PCED1B: variants seen among roughly 807,000 people sequenced by gnomAD.
PCED1B encodes the protein PC-esterase domain containing 1B, also known as PC-esterase domain-containing protein 1B.
For missense variants in PCED1B, 573 were observed against 573.9 expected (o/e 1.00, Z 0.02); for synonymous variants, 251 against 246.1 (o/e 1.02, Z -0.19).
chr12:47,117,959 C>A (rs1432935710), intron 2 of PCED1B, among the ~76,000 whole-genome samples: 2 of 152,160 alleles, frequency 1.3e-5, no homozygotes, highest in African/African-American at 4.8e-5. Context: ...TGATGATGAG[C>A]ATTTTTTTCA....
chr12:47,227,502 T>G (rs1167375433), intron 3 of PCED1B, among the ~76,000 whole-genome samples: 1 of 151,982 alleles, frequency 6.6e-6, no homozygotes, highest in African/African-American at 2.4e-5. Context: ...GAATGCTTCT[T>G]CCCAGTCATT....
chr12:47,210,272 A>G (rs977917199), intron 2 of PCED1B: 1 of 152,248 alleles, frequency 6.6e-6, no homozygotes, highest in African/African-American at 2.4e-5. Context: ...GCATAGGTAG[A>G]AAATAACCAC....
rs139232775 is a variant in PCED1B at position 47,133,059 on chromosome 12, A to G, written c.-526+28864A>G. On this transcript the variant is annotated intron_variant, in intron 2 of 3. Coordinates refer to ENST00000546455, the MANE Select transcript of PCED1B (RefSeq NM_138371.3). ...ATAAGATAATTTTCCCCTGTTTCTT[A>G]CAAAGGGGACTGTATTTTCTTTACA... 6.9e-3 allele frequency among the ~76,000 whole-genome samples: 1,047 copies of G among 152,336 alleles called. 8 individuals are homozygous for G. The highest frequency in any genetic ancestry group is 0.024 in the African/African-American group (999 of 41,570).
intron 2 of PCED1B, chr12:47,205,788 T>C (rs1331921872): frequency 6.6e-6 from 1 of 151,632 alleles, no homozygotes; most frequent in African/African-American, 2.4e-5. Context: ...AAAGGGGCAA[T>C]AACCATGTAA....
At chr12:47,113,936 G>A (rs1939307545) in intron 2 of PCED1B, among the ~76,000 whole-genome samples, 1 of 141,730 alleles carries the variant, frequency 7.1e-6, no homozygotes, top group Admixed American at 7.2e-5. Context: ...GAGTGACAGA[G>A]CATGACTCCA....
chr12:47,095,129 T>C (rs1393359384), intron 1 of PCED1B, among the ~76,000 whole-genome samples: 2 of 151,158 alleles, frequency 1.3e-5, no homozygotes, highest in Non-Finnish European at 2.9e-5. Context: ...TAGGCTGAGA[T>C]TATTTTCCTT....
chr12:47,138,066 A>C (rs1403357460), intron 2 of PCED1B: 2 of 152,212 alleles, frequency 1.3e-5, no homozygotes, highest in Non-Finnish European at 2.9e-5. Flanking sequence ...ACTGTTTCTT[A>C]AAAAAATTTT....
chr12:47,152,699 G>A (rs896558308), intron 2 of PCED1B, among the ~76,000 whole-genome samples: 1 of 152,178 alleles, frequency 6.6e-6, no homozygotes, highest in African/African-American at 2.4e-5. Context: ...GGGAGTCCGA[G>A]GCAGGTGGAT....
chr12:47,213,222 G>A (rs1053088193), intron 2 of PCED1B, among the ~76,000 whole-genome samples: 2 of 152,120 alleles, frequency 1.3e-5, no homozygotes, highest in Admixed American at 1.3e-4. Context: ...GAATCTCAAA[G>A]TTCCTAATAT....
intron 2 of PCED1B, among the ~76,000 whole-genome samples, chr12:47,113,133 G>A (rs1178234151): frequency 1.3e-5 from 2 of 152,118 alleles, no homozygotes; most frequent in Admixed American, 6.5e-5. Context: ...TTGGTCTCTG[G>A]GATATACTAA....
At chr12:47,102,988 C>T (rs1266185371) in intron 1 of PCED1B, among the ~76,000 whole-genome samples, 2 of 152,074 alleles carry the variant, frequency 1.3e-5, no homozygotes, top group Non-Finnish European at 2.9e-5. Flanking sequence ...TAAAGGCCTT[C>T]CATTCCTGTC....
chr12:47,176,466 G>C (rs1044530544), intron 2 of PCED1B, among the ~76,000 whole-genome samples: 1 of 152,202 alleles, frequency 6.6e-6, no homozygotes, highest in African/African-American at 2.4e-5. Flanking sequence ...ATCCTCTGGG[G>C]TTCAGAGACC....
At chr12:47,091,001 C>T (rs1282064739) in intron 1 of PCED1B, among the ~76,000 whole-genome samples, 1 of 151,864 alleles carries the variant, frequency 6.6e-6, no homozygotes, top group Non-Finnish European at 1.5e-5. Flanking sequence ...CCCCAAATTC[C>T]CCCCGATTCT....
Position 47,199,011 on chromosome 12 carries a change from A to G in PCED1B, c.-525-17211A>G, listed in dbSNP as rs142425534. ...AAAAAGAAAAGAAGGAAAATCCCAA[A>G]GAATCAACAACAGCAAAAAACCATC... On this transcript the variant is annotated intron_variant, in intron 2 of 3. Transcript: ENST00000546455. 1.2e-3 allele frequency among the ~76,000 whole-genome samples: 179 copies of G among 152,194 alleles called. 1 individual carries two copies. In the East Asian group the frequency reaches 0.024, roughly 21 times the overall value.
chr12:47,189,854 C>T (rs1942389007), intron 2 of PCED1B, among the ~76,000 whole-genome samples: 1 of 152,188 alleles, frequency 6.6e-6, no homozygotes, highest in Non-Finnish European at 1.5e-5. Context: ...AACTTCCAAA[C>T]AGAAGACTCT....
Position 47,174,366 on chromosome 12 carries a change from G to A in PCED1B, c.-525-41856G>A, listed in dbSNP as rs541325800. ...GGAGGTTGCAGTTAGCGGAGATTGC[G>A]CTACCGCACTCCAGCCTAGGCTATA... On this transcript the variant is annotated intron_variant, in intron 2 of 3. Transcript: ENST00000546455. Among the ~76,000 whole-genome samples the A allele has an allele frequency of 1.6e-3, 241 of 150,326 alleles. 1 individual carries two copies. Among genetic ancestry groups the A allele is most frequent in the Admixed American group, 4.1e-3 (62 of 15,020 alleles).
At chr12:47,080,801 C>T (rs1176558116) in intron 1 of PCED1B, among the ~76,000 whole-genome samples, 1 of 151,960 alleles carries the variant, frequency 6.6e-6, no homozygotes, top group Non-Finnish European at 1.5e-5. Context: ...TTCTCTCTCC[C>T]TCTCTCTCTC....
At chr12:47,202,122 A>G (rs1471664040) in intron 2 of PCED1B, among the ~76,000 whole-genome samples, 1 of 152,248 alleles carries the variant, frequency 6.6e-6, no homozygotes, top group East Asian at 1.9e-4. Context: ...GAGGATACTT[A>G]TGAAGCATTC....
intron 3 of PCED1B, among the ~76,000 whole-genome samples, chr12:47,219,793 A>T (rs1014939074): frequency 6.6e-6 from 1 of 152,076 alleles, no homozygotes; most frequent in Non-Finnish European, 1.5e-5. Context: ...AGATAATATG[A>T]TTTTTTTTCT....
Sources: gnomAD v4.1 joint callset for allele counts (sites outside exome capture counted in the v4.1 genomes callset) on GRCh38, gnomAD v4.1.1 for gene constraint, MANE v1.5 for transcripts, NCBI Gene and HGNC (gene_info 2026-07-23, HGNC 2026-07-21) for gene names.